JAK1: variants seen among roughly 807,000 people sequenced by gnomAD.
JAK1 encodes the protein tyrosine-protein kinase JAK1.
Under a neutral mutation model 136.6 loss-of-function variants are expected in JAK1, and 16 were observed. That is an observed-to-expected ratio of 0.12 (90% confidence interval 0.08 to 0.18). The LOEUF is 0.18. Ranked by LOEUF, JAK1 falls within the 10% of genes least tolerant of loss-of-function variation. The pLI is 1.00. For synonymous variants in JAK1, 492 were observed against 519.5 expected, an observed-to-expected ratio of 0.95 and a Z score of 0.72; for missense variants, 859 against 1,450.1, an observed-to-expected ratio of 0.59 and a Z score of 6.62.
At chr1:64,886,176 C>T (rs1369261874) in intron 2 of JAK1, 83 bp downstream of exon 2, 2 of 851,688 alleles carry the variant, frequency 2.3e-6, no homozygotes, top group Non-Finnish European at 3.9e-6. Flanking sequence ...GCACCAATAG[C>T]CCTACAGCCT....
intron 2 of JAK1, among the ~76,000 whole-genome samples, chr1:65,034,532 A>G (rs1270828058): frequency 6.6e-6 from 1 of 152,238 alleles, no homozygotes. Flanking sequence ...AATGGCAAAC[A>G]TTAATCTAGT....
chr1:64,919,120 A>G (rs1321795742), intron 1 of JAK1, among the ~76,000 whole-genome samples: 2 of 152,198 alleles, frequency 1.3e-5, no homozygotes, highest in East Asian at 1.9e-4. Context: ...GCACCTGTTA[A>G]CTTGTCATTT....
intron 2 of JAK1, among the ~76,000 whole-genome samples, chr1:64,981,217 G>A (rs1646542348): frequency 6.6e-6 from 1 of 152,208 alleles, no homozygotes; most frequent in South Asian, 2.1e-4. Context: ...AAATGAGTCA[G>A]GAAGGGTTTT....
chr1:64,933,836 G>A (rs964298056), intron 1 of JAK1, among the ~76,000 whole-genome samples: 8 of 152,112 alleles, frequency 5.3e-5, no homozygotes, highest in African/African-American at 1.4e-4. Context: ...AAGAATCCTG[G>A]GTTTGCCTTT....
chr1:65,014,227 T>C (rs898603641), intron 2 of JAK1, among the ~76,000 whole-genome samples: 4 of 152,126 alleles, frequency 2.6e-5, no homozygotes. Flanking sequence ...CCAGAGATTA[T>C]ATGGCAGAAA....
chr1:64,901,785 T>C (rs547342278), intron 1 of JAK1, among the ~76,000 whole-genome samples: 1 of 152,260 alleles, frequency 6.6e-6, no homozygotes, highest in African/African-American at 2.4e-5. Context: ...AGAAACCCCA[T>C]GTCACTCTCC....
intron 1 of JAK1, among the ~76,000 whole-genome samples, chr1:65,053,971 T>C (rs911469074): frequency 6.6e-6 from 1 of 152,168 alleles, no homozygotes; most frequent in African/African-American, 2.4e-5. Context: ...TCCAACTCTG[T>C]GTAGTATGAT....
At chr1:65,017,470 A>G (rs1646900481) in intron 2 of JAK1, among the ~76,000 whole-genome samples, 1 of 152,180 alleles carries the variant, frequency 6.6e-6, no homozygotes, top group East Asian at 1.9e-4. Context: ...TCTGTCTCAA[A>G]AAAATAAAAA....
chr1:64,899,602 C>T (rs1195319957), intron 1 of JAK1, among the ~76,000 whole-genome samples: 2 of 152,166 alleles, frequency 1.3e-5, no homozygotes, highest in Non-Finnish European at 2.9e-5. Flanking sequence ...TTGACTACCA[C>T]ATTTCTTGAA....
intron 2 of JAK1, chr1:64,991,558 A>G (rs567249959): frequency 2.6e-5 from 4 of 152,272 alleles, no homozygotes; most frequent in Non-Finnish European, 4.4e-5. Context: ...ATCACCAGGA[A>G]TGCAGATGCC....
chr1:65,054,740 G>A (rs572153588), intron 1 of JAK1, among the ~76,000 whole-genome samples: 8 of 150,726 alleles, frequency 5.3e-5, no homozygotes, highest in South Asian at 2.1e-4. Flanking sequence ...TCTTGTCCAC[G>A]CCTTTTTCTC....
chr1:64,864,255 A>G (rs1322202300), intron 8 of JAK1, among the ~76,000 whole-genome samples: 1 of 152,194 alleles, frequency 6.6e-6, no homozygotes, highest in East Asian at 1.9e-4. Flanking sequence ...CAGAGTTCCC[A>G]CTTCCTGCTT....
rs1051493862 is a variant in JAK1, at chr1:65,022,094, T to A, written c.-78+22386A>T. ...ACAGTAGAGAATAAGACATTTGTCATCCTGCCATCTCATTGTGCCAAGCTA... is the reference window on the plus strand; with the variant it reads ...ACAGTAGAGAATAAGACATTTGTCAACCTGCCATCTCATTGTGCCAAGCTA... On this transcript the variant is annotated intron_variant, in intron 2 of 25. Coordinates refer to the JAK1 transcript ENST00000671954. Among the ~76,000 whole-genome samples, 9 of 152,224 alleles carry A rather than the reference T, an allele frequency of 5.9e-5. No individual in the cohort carries two copies. The East Asian group carries it at 1.7e-3, about 29-fold the overall frequency.
At chr1:64,948,269 A>G (rs936511173) in intron 1 of JAK1, among the ~76,000 whole-genome samples, 4 of 152,258 alleles carry the variant, frequency 2.6e-5, no homozygotes, top group African/African-American at 9.6e-5. Flanking sequence ...ATACACAGAC[A>G]AAGCAGCTCA....
intron 6 of JAK1, among the ~76,000 whole-genome samples, chr1:64,867,947 G>GCA (rs1656808160): frequency 6.6e-6 from 1 of 152,056 alleles, no homozygotes; most frequent in Admixed American, 6.6e-5. Context: ...CCAAGATCAT[G>GCA]CCATTGTACT....
upstream of JAK1, among the ~76,000 whole-genome samples, chr1:64,967,968 A>T (rs767944167): frequency 2.1e-4 from 32 of 152,318 alleles, no homozygotes; most frequent in African/African-American, 7.2e-4. Context: ...TTAAATAGGG[A>T]TAATGCCTTC....
intron 1 of JAK1, among the ~76,000 whole-genome samples, chr1:64,900,360 C>A (rs1415092204): frequency 6.6e-6 from 1 of 152,180 alleles, no homozygotes; most frequent in Non-Finnish European, 1.5e-5. Flanking sequence ...GAGCTCCATT[C>A]TAGGTGAAGA....
At chr1:64,876,247 C>G (rs1644662811) in intron 4 of JAK1, 1 of 152,232 alleles carries the variant, frequency 6.6e-6, no homozygotes, top group East Asian at 1.9e-4. Context: ...CCACATCCTA[C>G]TGAGTCTCTG....
intron 1 of JAK1, among the ~76,000 whole-genome samples, chr1:65,055,170 TC>T (rs1647476303): frequency 6.6e-6 from 1 of 150,850 alleles, no homozygotes; most frequent in African/African-American, 2.4e-5. Flanking sequence ...TTCCCCCCTC[TC>T]CCCCAGCTCC....
Sources: allele counts gnomAD v4.1 joint callset (sites outside exome capture counted in the v4.1 genomes callset), GRCh38; gene constraint gnomAD v4.1.1; transcripts MANE v1.5; gene names NCBI Gene and HGNC (gene_info 2026-07-23, HGNC 2026-07-21).